Variants in PTPRD observed in about 807,000 individuals in gnomAD.
PTPRD encodes the protein receptor-type tyrosine-protein phosphatase delta.
In PTPRD, 34 loss-of-function variants were observed where a neutral mutation model predicts 214.5. The observed-to-expected ratio is 0.16, with a 90% CI of 0.12 to 0.21. PTPRD has a LOEUF of 0.21. Among genes scored for constraint, PTPRD ranks in the 10% least tolerant of loss-of-function variants. PTPRD has a pLI of 1.00. For missense variants in PTPRD, 2,545 were observed against 2,398.7 expected, an observed-to-expected ratio of 1.06 and a Z score of -1.27; for synonymous variants, 1,128 against 845.7, an observed-to-expected ratio of 1.33 and a Z score of -5.79.
chr9:9,080,816 T>C (rs1005332396), intron 10 of PTPRD, among the ~76,000 whole-genome samples: 1 of 152,170 alleles, frequency 6.6e-6, no homozygotes, highest in Non-Finnish European at 1.5e-5. Flanking sequence ...TGATGGTAGT[T>C]TGTATTTCTG....
At chr9:8,835,772 A>G (rs2097405738) in intron 11 of PTPRD, among the ~76,000 whole-genome samples, 1 of 152,160 alleles carries the variant, frequency 6.6e-6, no homozygotes, top group Non-Finnish European at 1.5e-5. Context: ...TCCTGGGCTC[A>G]AGTGATCCTC....
intron 3 of PTPRD, among the ~76,000 whole-genome samples, chr9:10,255,627 T>A (rs2093199432): frequency 6.6e-6 from 1 of 152,134 alleles, no homozygotes; most frequent in Non-Finnish European, 1.5e-5. Context: ...AAAAATATTT[T>A]TATTTCTTCA....
chr9:9,335,540 C>T (rs1324176178), intron 9 of PTPRD, among the ~76,000 whole-genome samples: 1 of 152,036 alleles, frequency 6.6e-6, no homozygotes, highest in Non-Finnish European at 1.5e-5. Context: ...TTCCTTGGAA[C>T]AGTCTTTTAA....
intron 12 of PTPRD, among the ~76,000 whole-genome samples, chr9:8,727,137 A>T (rs2098592190): frequency 6.6e-6 from 1 of 152,242 alleles, no homozygotes; most frequent in South Asian, 2.1e-4. Context: ...TAGTTCACAA[A>T]TACTGTTGAT....
intron 9 of PTPRD, among the ~76,000 whole-genome samples, chr9:9,328,618 C>CTTTTTTTTTTTTTTTTT (rs869076374): frequency 1.8e-4 from 5 of 28,230 alleles, no homozygotes; most frequent in Admixed American, 5.8e-4. Flanking sequence ...GTTGTTCTTG[C>CTTTTTTTTTTTTTTTTT]TTTTTTTTTT....
intron 11 of PTPRD, among the ~76,000 whole-genome samples, chr9:8,946,552 G>A (rs551298713): frequency 5.8e-4 from 88 of 152,312 alleles, no homozygotes; most frequent in Non-Finnish European, 4.0e-4. Flanking sequence ...GGCTTTAGCA[G>A]AAGCGCACAG....
At chr9:10,134,183 C>G (rs1385437274) in intron 3 of PTPRD, among the ~76,000 whole-genome samples, 1 of 152,128 alleles carries the variant, frequency 6.6e-6, no homozygotes, top group Non-Finnish European at 1.5e-5. Context: ...ACAACCAACT[C>G]TGACTCTGCC....
intron 8 of PTPRD, among the ~76,000 whole-genome samples, chr9:9,441,734 T>A (rs764929338): frequency 6.6e-6 from 1 of 152,198 alleles, no homozygotes; most frequent in Non-Finnish European, 1.5e-5. Context: ...ATGAATGAAT[T>A]TGGCATTAAT....
At chr9:8,599,646 G>T in intron 14 of PTPRD, among the ~76,000 whole-genome samples, 1 of 62,864 alleles carries the variant, frequency 1.6e-5, no homozygotes, top group African/African-American at 6.3e-5. Context: ...TTTTTGAAAC[G>T]GAGTTTCACT....
intron 2 of PTPRD, among the ~76,000 whole-genome samples, chr9:10,485,792 T>G (rs1396598028): frequency 1.3e-5 from 2 of 152,140 alleles, no homozygotes; most frequent in African/African-American, 4.8e-5. Context: ...TACATGATCA[T>G]ATCGTTTGCA....
chr9:9,470,613 T>C (rs1436719186), intron 8 of PTPRD, among the ~76,000 whole-genome samples: 1 of 152,214 alleles, frequency 6.6e-6, no homozygotes, highest in Non-Finnish European at 1.5e-5. Context: ...TCTTTTCCAA[T>C]GGCATGGCTC....
intron 8 of PTPRD, among the ~76,000 whole-genome samples, chr9:9,487,377 A>G (rs1002558192): frequency 4.6e-5 from 7 of 152,170 alleles, no homozygotes; most frequent in African/African-American, 1.7e-4. Flanking sequence ...ATGTCCCCAC[A>G]AAGGACACGA....
chr9:9,259,657 A>T (rs984155223), intron 9 of PTPRD, among the ~76,000 whole-genome samples: 1 of 151,964 alleles, frequency 6.6e-6, no homozygotes, highest in Non-Finnish European at 1.5e-5. Context: ...CTTTCAGGAA[A>T]CTTAGTGATG....
intron 2 of PTPRD, among the ~76,000 whole-genome samples, chr9:10,367,881 G>T (rs2097543221): frequency 6.6e-6 from 1 of 152,030 alleles, no homozygotes; most frequent in African/African-American, 2.4e-5. Flanking sequence ...TATAAAAAAG[G>T]GTTAAGAAAA....
chr9:9,554,840 G>A (rs766760911), intron 8 of PTPRD, among the ~76,000 whole-genome samples: 1 of 152,006 alleles, frequency 6.6e-6, no homozygotes, highest in Non-Finnish European at 1.5e-5. Context: ...GGTCAATAAA[G>A]TGATTACATT....
intron 3 of PTPRD, among the ~76,000 whole-genome samples, chr9:10,231,312 G>C (rs1210127304): frequency 6.6e-6 from 1 of 151,370 alleles, no homozygotes; most frequent in Admixed American, 6.6e-5. Context: ...AGGCTGTGAG[G>C]GGGGAAAACA....
intron 5 of PTPRD, among the ~76,000 whole-genome samples, chr9:9,786,176 T>C (rs1156409315): frequency 6.6e-6 from 1 of 152,212 alleles, no homozygotes; most frequent in Non-Finnish European, 1.5e-5. Flanking sequence ...CAAGCATTTA[T>C]TGATTGCCAT....
chr9:9,704,521 G>A (rs1456438406), intron 7 of PTPRD, among the ~76,000 whole-genome samples: 2 of 152,140 alleles, frequency 1.3e-5, no homozygotes, highest in Non-Finnish European at 2.9e-5. Flanking sequence ...CAAAGATTGG[G>A]TCCAATTCCC....
chr9:10,418,036 A>G (rs2098509425), intron 2 of PTPRD, among the ~76,000 whole-genome samples: 1 of 151,892 alleles, frequency 6.6e-6, no homozygotes. Context: ...AAAAATGGGA[A>G]AGAAACCATG....
Sources: allele counts gnomAD v4.1 joint callset (sites outside exome capture counted in the v4.1 genomes callset), GRCh38; gene constraint gnomAD v4.1.1; transcripts MANE v1.5; gene names NCBI Gene and HGNC (gene_info 2026-07-23, HGNC 2026-07-21).